The following ITPKB variants were observed in gnomAD, a reference collection of about 807,000 sequenced individuals.
ITPKB encodes the protein IP3 3-kinase B.
A neutral mutation model predicts 69.4 loss-of-function variants in ITPKB; 13 were observed. The observed-to-expected ratio is 0.19, with a 90% CI of 0.12 to 0.30. ITPKB has a LOEUF of 0.30. Among genes scored for constraint, ITPKB ranks in the 10% least tolerant of loss-of-function variants. ITPKB has a pLI of 1.00. For synonymous variants in ITPKB, 584 were observed against 513.7 expected (o/e 1.14, Z -1.85); for missense variants, 1,240 against 1,250.5 (o/e 0.99, Z 0.13).
At chr1:226,646,904 G>A (rs762822695) in intron 4 of ITPKB, among the ~76,000 whole-genome samples, 9 of 152,186 alleles carry the variant, frequency 5.9e-5, no homozygotes, top group Admixed American at 1.3e-4. Flanking sequence ...GAACCCAGCC[G>A]GTGCCCTTTT....
chr1:226,709,287 G>A (rs1031765603), intron 2 of ITPKB, among the ~76,000 whole-genome samples: 4 of 152,184 alleles, frequency 2.6e-5, no homozygotes, highest in South Asian at 2.1e-4. Flanking sequence ...CCTCCCTGGC[G>A]AGGCACCAGG....
chr1:226,657,764 G>C (rs1276666794), intron 2 of ITPKB, among the ~76,000 whole-genome samples: 1 of 152,214 alleles, frequency 6.6e-6, no homozygotes, highest in Non-Finnish European at 1.5e-5. Context: ...ACAGCTTCCA[G>C]GTTTGTGCCA....
At chr1:226,700,449 C>T (rs375853815) in intron 2 of ITPKB, among the ~76,000 whole-genome samples, 5 of 107,214 alleles carry the variant, frequency 4.7e-5, no homozygotes, top group South Asian at 6.4e-4. Context: ...AGCCTGGCAA[C>T]GGAGCAAGAC....
At chr1:226,697,599 C>A (rs1656523360) in intron 2 of ITPKB, among the ~76,000 whole-genome samples, 1 of 152,234 alleles carries the variant, frequency 6.6e-6, no homozygotes, top group East Asian at 1.9e-4. Context: ...TGAAATCAAA[C>A]ATACCTGATA....
At chr1:226,720,090 T>TA (rs1657195714) in intron 2 of ITPKB, among the ~76,000 whole-genome samples, 1 of 152,220 alleles carries the variant, frequency 6.6e-6, no homozygotes, top group South Asian at 2.1e-4. Flanking sequence ...TTGCATCTAT[T>TA]ACATCCCTTT....
chr1:226,670,369 C>T (rs1669591228), intron 2 of ITPKB, among the ~76,000 whole-genome samples: 1 of 151,956 alleles, frequency 6.6e-6, no homozygotes, highest in Non-Finnish European at 1.5e-5. Context: ...ATTTATTTTA[C>T]CTCTGGAAAT....
At chr1:226,667,858 G>A (rs548824789) in intron 2 of ITPKB, among the ~76,000 whole-genome samples, 21 of 149,600 alleles carry the variant, frequency 1.4e-4, no homozygotes, top group South Asian at 4.1e-4. Flanking sequence ...GTGTGTGCGC[G>A]CGCGCGTGCG....
intron 2 of ITPKB, among the ~76,000 whole-genome samples, chr1:226,668,656 A>G (rs1295452555): frequency 6.6e-6 from 1 of 152,210 alleles, no homozygotes; most frequent in Non-Finnish European, 1.5e-5. Context: ...ATTTCTGCCA[A>G]ATTTTATGTT....
At chr1:226,713,048 A>T (rs1425684477) in intron 2 of ITPKB, among the ~76,000 whole-genome samples, 1 of 152,028 alleles carries the variant, frequency 6.6e-6, no homozygotes, top group Non-Finnish European at 1.5e-5. Context: ...ACTTACCCAT[A>T]TACACACATG....
At chr1:226,690,245 G>A (rs571219842) in intron 2 of ITPKB, among the ~76,000 whole-genome samples, 25 of 152,284 alleles carry the variant, frequency 1.6e-4, no homozygotes, top group Admixed American at 8.5e-4. Flanking sequence ...GTGTATAAGC[G>A]TTTCTTTAAG....
intron 2 of ITPKB, among the ~76,000 whole-genome samples, chr1:226,733,432 T>A (rs1316819242): frequency 6.6e-6 from 1 of 152,160 alleles, no homozygotes; most frequent in Admixed American, 6.5e-5. Flanking sequence ...AATGAGCTGA[T>A]GTTTGGGTGT....
At chr1:226,707,232 T>G (rs1656823696) in intron 2 of ITPKB, 4 of 403,324 alleles carry the variant, frequency 9.9e-6, no homozygotes, top group Non-Finnish European at 1.3e-5. Flanking sequence ...GTTTAGCTCT[T>G]TCGCCCAGGC....
At chr1:226,635,157 T>C (rs1159907829) in intron 7 of ITPKB, among the ~76,000 whole-genome samples, 1 of 152,030 alleles carries the variant, frequency 6.6e-6, no homozygotes, top group Non-Finnish European at 1.5e-5. Flanking sequence ...CCTGCACACT[T>C]TCCACTCCTT....
At chr1:226,707,502 A>G (rs1571867559) in intron 2 of ITPKB, 1 of 983,860 alleles carries the variant, frequency 1.0e-6, no homozygotes, top group East Asian at 1.1e-4. Context: ...TGGCCAATAA[A>G]GTAAAATTTT....
Position 226,642,383 on chromosome 1 carries a change from T to G in ITPKB, c.2247-258A>C, listed in dbSNP as rs1668980003. 1.3e-5 allele frequency among the ~76,000 whole-genome samples: 2 copies of G among 152,224 alleles called. No individual in the cohort carries two copies. Among genetic ancestry groups the G allele is most frequent in the South Asian group, 4.2e-4 (2 of 4,808 alleles). ...GGGAGTCTCGCTATGTTGCCCCGGC[T>G]GGTCTCAAACTTCTAGCCTCAAGTG... On this transcript the variant is annotated intron_variant, in intron 4 of 7. Coordinates refer to ENST00000429204, the MANE Select transcript of ITPKB (RefSeq NM_002221.4). This position sits in a 1 kb window ranked among gnomAD's most constrained non-coding sequence, Gnocchi z 6.4.
intron 2 of ITPKB, among the ~76,000 whole-genome samples, chr1:226,672,136 T>C (rs771721096): frequency 6.6e-6 from 1 of 152,158 alleles, no homozygotes; most frequent in Non-Finnish European, 1.5e-5. Flanking sequence ...AAACTCTCCA[T>C]TTTAGACTGA....
At chr1:226,653,116 A>G (rs1669227792) in intron 2 of ITPKB, among the ~76,000 whole-genome samples, 1 of 152,124 alleles carries the variant, frequency 6.6e-6, no homozygotes, top group Admixed American at 6.5e-5. Context: ...TTAGAGAATT[A>G]TGGCCTTGTT....
chr1:226,658,629 A>AG (rs1253011907), intron 2 of ITPKB, among the ~76,000 whole-genome samples: 2 of 152,186 alleles, frequency 1.3e-5, no homozygotes, highest in Admixed American at 6.5e-5. Context: ...GACCCGAGTA[A>AG]GGCTTTATTT....
At chr1:226,668,266 T>A (rs1669544665) in intron 2 of ITPKB, among the ~76,000 whole-genome samples, 1 of 152,192 alleles carries the variant, frequency 6.6e-6, no homozygotes, top group Non-Finnish European at 1.5e-5. Context: ...TCTATGGAAG[T>A]TAATTCAAAT....
Sources: gnomAD v4.1 joint callset for allele counts (sites outside exome capture counted in the v4.1 genomes callset) on GRCh38, gnomAD v4.1.1 for gene constraint, Gnocchi (gnomAD v3.1) non-coding constraint, MANE v1.5 for transcripts, NCBI Gene and HGNC (gene_info 2026-07-23, HGNC 2026-07-21) for gene names.